The following HSP90AA1 variants were observed in gnomAD, a reference collection of about 807,000 sequenced individuals.
The protein encoded by HSP90AA1 is heat shock protein HSP 90-alpha.
In HSP90AA1, 18 loss-of-function variants were observed where a neutral mutation model predicts 73.3. The ratio of observed to expected loss-of-function variants is 0.25; its 90% CI spans 0.17 to 0.36. The LOEUF (loss-of-function observed/expected upper bound fraction) is 0.36, where lower values mean the gene tolerates loss of function less well. Among genes scored for constraint, HSP90AA1 ranks in the 10% least tolerant of loss-of-function variants. HSP90AA1 has a pLI of 1.00. For synonymous variants in HSP90AA1, 477 were observed against 296.9 expected, an observed-to-expected ratio of 1.61 and a Z score of -6.24; for missense variants, 704 against 874.2, an observed-to-expected ratio of 0.81 and a Z score of 2.45.
chr14:102,138,110 A>G (rs1163212655), intron 1 of HSP90AA1, among the ~76,000 whole-genome samples: 3 of 152,204 alleles, frequency 2.0e-5, no homozygotes, highest in African/African-American at 4.8e-5. Flanking sequence ...TATAGGGTAA[A>G]ATCTTGATAG....
intron 1 of HSP90AA1, among the ~76,000 whole-genome samples, chr14:102,118,854 CTTTTTTTT>C (rs11298881): frequency 3.7e-5 from 4 of 107,150 alleles, no homozygotes; most frequent in African/African-American, 1.0e-4. Context: ...CTTTTCCTTC[CTTTTTTTT>C]TTTTTTTTTG....
chr14:102,082,465 C>A, intron 9 of HSP90AA1, 21 bp from the exon 10 acceptor site: 1 of 1,571,836 alleles, frequency 6.4e-7, no homozygotes, highest in South Asian at 1.1e-5. Flanking sequence ...AAAGTGATGA[C>A]TAGGAACCTA....
chr14:102,097,076 C>T (rs1012142332), intron 2 of HSP90AA1, among the ~76,000 whole-genome samples: 1 of 152,070 alleles, frequency 6.6e-6, no homozygotes, highest in Non-Finnish European at 1.5e-5. Context: ...CAACCTCCAC[C>T]TCCTGGGTTC....
At chr14:102,133,345 T>C (rs983461452) in intron 1 of HSP90AA1, among the ~76,000 whole-genome samples, 2 of 152,068 alleles carry the variant, frequency 1.3e-5, no homozygotes, top group Non-Finnish European at 2.9e-5. Context: ...ATATAATGAA[T>C]ATGTACACAA....
chr14:102,112,936 A>G (rs919313243), intron 1 of HSP90AA1, among the ~76,000 whole-genome samples: 1 of 152,074 alleles, frequency 6.6e-6, no homozygotes, highest in Non-Finnish European at 1.5e-5. Flanking sequence ...TAATATTAGC[A>G]CTTGTTGTAA....
intron 1 of HSP90AA1, among the ~76,000 whole-genome samples, chr14:102,137,337 A>AT (rs1307208538): frequency 6.6e-6 from 1 of 151,020 alleles, no homozygotes; most frequent in Non-Finnish European, 1.5e-5. Flanking sequence ...TTATTTATTT[A>AT]TTTCCTGAGA....
At chr14:102,087,098 G>A (rs1269168868), upstream of HSP90AA1, 1 of 984,746 alleles carries the variant, frequency 1.0e-6, no homozygotes, top group Non-Finnish European at 1.2e-6. Flanking sequence ...CCAGCGCGCG[G>A]CGCTTTTTCC....
At position 102,086,978 on chromosome 14, in the gene HSP90AA1, C is replaced by T. The variant is rs2049257810; in HGVS notation, c.-1+8G>A. The T allele has an allele frequency of 1.5e-5, 15 of 985,318 alleles. No individual in the cohort carries two copies. The highest frequency in any genetic ancestry group is 1.8e-5 in the Non-Finnish European group (15 of 830,108). 61.0% of individuals were successfully genotyped at this position (985,318 alleles called of 1,614,324 possible). Reference sequence around the variant, plus strand: ...CCACCTCCACAGGCCCCCACAACCACCCGTCACCTTGGCTAAGTGACCGCA... The same window carrying T: ...CCACCTCCACAGGCCCCCACAACCATCCGTCACCTTGGCTAAGTGACCGCA... On this transcript the variant is annotated splice_region_variant and intron_variant, in intron 1 of 10. Coordinates refer to ENST00000216281, the MANE Select transcript of HSP90AA1 (RefSeq NM_005348.4).
In HSP90AA1 at chr14:102,084,720, C is replaced by T. The variant is rs190888868; in HGVS notation, c.942G>A (p.Lys314=). The change falls in exon 5 of 11, where the codon AAG becomes AAA. Residue 314 remains lysine (K), a synonymous_variant. Transcript: ENST00000216281. ...GATCTTCCCAGTCATTGGTCAAGCTCTTATAGAATTCTCCGTACTCCTCAT... is the reference window on the plus strand; with the variant it reads ...GATCTTCCCAGTCATTGGTCAAGCTTTTATAGAATTCTCCGTACTCCTCAT... ...ITNEEYGEFY[K]SLTNDWEDHL... The T allele has an allele frequency of 8.1e-6, 13 of 1,614,082 alleles. No individual in the cohort carries two copies. Among genetic ancestry groups the T allele is most frequent in the East Asian group, 2.2e-5 (1 of 44,876 alleles).
At chr14:102,111,477 T>C (rs2049641253) in intron 1 of HSP90AA1, among the ~76,000 whole-genome samples, 1 of 152,196 alleles carries the variant, frequency 6.6e-6, no homozygotes, top group Non-Finnish European at 1.5e-5. Context: ...CTGCCTAGAT[T>C]TCCCTTTTCA....
rs1331941633 is a variant in HSP90AA1 at position 102,087,015 on chromosome 14, G to T, written c.-30C>A. On this transcript the variant is annotated 5_prime_UTR_variant, in exon 1 of 11. Coordinates refer to ENST00000216281, the MANE Select transcript of HSP90AA1 (RefSeq NM_005348.4). ...GCTAAGTGACCGCACAGGACCAACG[G>T]CACAGCCACACCGGGACGCTGAAGC... The T allele has an allele frequency of 2.0e-6, 2 of 985,258 alleles. No homozygotes were observed. The highest frequency in any genetic ancestry group is 5.2e-4 in the Middle Eastern group (1 of 1,934). 61.0% of individuals were successfully genotyped at this position (985,258 alleles called of 1,614,324 possible). A position where few individuals can be genotyped will look rare whatever the true frequency, so the allele number is the denominator to read the frequency against.
intron 1 of HSP90AA1, among the ~76,000 whole-genome samples, chr14:102,117,872 G>A (rs1463204617): frequency 6.6e-6 from 1 of 152,112 alleles, no homozygotes; most frequent in Non-Finnish European, 1.5e-5. Flanking sequence ...CTCTCTTTGG[G>A]GCCCTGCAGT....
intron 1 of HSP90AA1, among the ~76,000 whole-genome samples, chr14:102,104,118 C>T (rs993674519): frequency 1.3e-5 from 2 of 151,930 alleles, no homozygotes; most frequent in Non-Finnish European, 2.9e-5. Flanking sequence ...TCCAAACAAC[C>T]TCTTAGGAGC....
intron 2 of HSP90AA1, among the ~76,000 whole-genome samples, chr14:102,092,646 G>A (rs988922588): frequency 3.3e-4 from 51 of 152,296 alleles, no homozygotes; most frequent in African/African-American, 1.0e-3. Context: ...ACAGGGACCT[G>A]AGGAAACTTT....
At chr14:102,130,308 G>A (rs565203701) in intron 1 of HSP90AA1, among the ~76,000 whole-genome samples, 25 of 152,150 alleles carry the variant, frequency 1.6e-4, no homozygotes, top group African/African-American at 5.3e-4. Flanking sequence ...ATATACATAC[G>A]ATTGGAATTG....
chr14:102,089,515 C>A (rs1303211630), upstream of HSP90AA1, among the ~76,000 whole-genome samples: 1 of 152,210 alleles, frequency 6.6e-6, no homozygotes, highest in African/African-American at 2.4e-5. Context: ...CCTGGCTGTT[C>A]CTTCTCTCTT....
chr14:102,090,700 C>T (rs376732705), upstream of HSP90AA1, among the ~76,000 whole-genome samples: 2 of 152,234 alleles, frequency 1.3e-5, no homozygotes, highest in African/African-American at 4.8e-5. Context: ...ATCCGCCCGC[C>T]TTGGCCTCCC....
At chr14:102,139,611 G>A in exon 1 of HSP90AA1, 2 of 663,184 alleles carry the variant, frequency 3.0e-6, no homozygotes, top group Non-Finnish European at 5.0e-6. Flanking sequence ...TGGCGGCTGC[G>A]GAACGGTCAA....
At chr14:102,088,907 C>G (rs1454793137), upstream of HSP90AA1, among the ~76,000 whole-genome samples, 3 of 55,138 alleles carry the variant, frequency 5.4e-5, no homozygotes, top group Admixed American at 2.2e-4. Context: ...TTTTTCTTTT[C>G]TTTTTTTTTT....
Sources: gnomAD v4.1 joint callset for allele counts (sites outside exome capture counted in the v4.1 genomes callset) on GRCh38, gnomAD v4.1.1 for gene constraint, MANE v1.5 for transcripts, NCBI Gene and HGNC (gene_info 2026-07-23, HGNC 2026-07-21) for gene names.